CCDC171: variants seen among roughly 807,000 people sequenced by gnomAD.
CCDC171 encodes coiled-coil domain-containing protein 171.
In CCDC171, 177 loss-of-function variants were observed where a neutral mutation model predicts 168.2. The ratio of observed to expected loss-of-function variants is 1.05; its 90% CI spans 0.93 to 1.19. The LOEUF is 1.19. Ranked by LOEUF, CCDC171 falls within the 50% of genes most tolerant of loss-of-function variation. The pLI is 0.00. For missense variants in CCDC171, 1,991 were observed against 1,539.0 expected (o/e 1.29, Z -4.91); for synonymous variants, 687 against 540.8 (o/e 1.27, Z -3.75).
chr9:15,927,614 G>A (rs1474319124), intron 25 of CCDC171, among the ~76,000 whole-genome samples: 5 of 151,506 alleles, frequency 3.3e-5, no homozygotes, highest in African/African-American at 9.7e-5. Context: ...GTGTCTTTGC[G>A]GGAGAAATAT....
chr9:15,784,709 G>T lies in CCDC171; in HGVS notation c.3267+15G>T. On this transcript the variant is annotated intron_variant, in intron 21 of 25. Coordinates refer to ENST00000380701, the MANE Select transcript of CCDC171 (RefSeq NM_173550.4). Reference sequence around the variant, plus strand: ...AAGCTGTTAAGGTAAGAGAATAAAGGGATATTTGCATAAAGGGATATTTTA... The same window carrying T: ...AAGCTGTTAAGGTAAGAGAATAAAGTGATATTTGCATAAAGGGATATTTTA... 1 of 1,591,000 alleles carries T rather than the reference G, an allele frequency of 6.3e-7. No individual in the cohort carries two copies. Among genetic ancestry groups the T allele is most frequent in the African/African-American group, 1.3e-5 (1 of 74,278 alleles).
chr9:15,648,421 T>C (rs2047221919), intron 7 of CCDC171, among the ~76,000 whole-genome samples: 2 of 152,058 alleles, frequency 1.3e-5, no homozygotes, highest in Admixed American at 1.3e-4. Flanking sequence ...GAGAAAGAAA[T>C]AAAGGGTATT....
intron 24 of CCDC171, among the ~76,000 whole-genome samples, chr9:15,878,245 A>G (rs1357723960): frequency 6.6e-6 from 1 of 152,198 alleles, no homozygotes; most frequent in Non-Finnish European, 1.5e-5. Context: ...TGAAGGTTTA[A>G]TGTCCAGCAC....
At chr9:15,801,239 C>T (rs1439167608) in intron 21 of CCDC171, among the ~76,000 whole-genome samples, 1 of 151,880 alleles carries the variant, frequency 6.6e-6, no homozygotes. Context: ...TCTTTCAATC[C>T]ATGAACATGG....
chr9:15,962,611 T>C (rs1316230991), intron 25 of CCDC171, among the ~76,000 whole-genome samples: 3 of 152,130 alleles, frequency 2.0e-5, no homozygotes, highest in Admixed American at 2.0e-4. Flanking sequence ...TTGTGGGGGT[T>C]ACCATTTTTT....
At chr9:15,980,314 T>C (rs1392188992) in intron 3 of CCDC171, among the ~76,000 whole-genome samples, 1 of 152,172 alleles carries the variant, frequency 6.6e-6, no homozygotes, top group Non-Finnish European at 1.5e-5. Context: ...TACATGTTAT[T>C]TGCAAGACTT....
intron 21 of CCDC171, among the ~76,000 whole-genome samples, chr9:15,795,282 C>T (rs957234196): frequency 6.6e-6 from 1 of 152,166 alleles, no homozygotes; most frequent in Non-Finnish European, 1.5e-5. Context: ...AACTAACTCA[C>T]TCCCATGATA....
chr9:15,940,419 C>G (rs1827580560), intron 25 of CCDC171, among the ~76,000 whole-genome samples: 1 of 151,842 alleles, frequency 6.6e-6, no homozygotes, highest in African/African-American at 2.4e-5. Context: ...ACTGACTTGA[C>G]TTCTCAACTT....
rs750523148 is a variant in CCDC171, at chr9:15,591,304, T to G, written c.353-62T>G. 3.4e-5 allele frequency: 35 copies of G among 1,025,046 alleles called. 1 individual carries two copies. Among genetic ancestry groups the G allele is most frequent in the Non-Finnish European group, 4.9e-5 (34 of 686,950 alleles). The allele number at this position is 1,025,046 out of a possible 1,614,324, so 63.5% of individuals were successfully genotyped here. A position where few individuals can be genotyped will look rare whatever the true frequency, so the allele number is the denominator to read the frequency against. On this transcript the variant is annotated intron_variant, in intron 4 of 25. Coordinates refer to ENST00000380701, the MANE Select transcript of CCDC171 (RefSeq NM_173550.4). ...ATGATGTCAACTCCAATGCCTAGGT[T>G]TTGGGGCTCCTTGTTATTTAATTCA...
At chr9:16,089,868 T>A in the CCDC171 span, among the ~76,000 whole-genome samples, 4 of 151,934 alleles carry the variant, frequency 2.6e-5, no homozygotes, top group Non-Finnish European at 4.4e-5. Flanking sequence ...AAAACCACAA[T>A]GAGATATCAT....
intron 3 of CCDC171, among the ~76,000 whole-genome samples, chr9:15,985,278 C>A (rs1167322977): frequency 6.6e-6 from 1 of 151,966 alleles, no homozygotes; most frequent in East Asian, 1.9e-4. Context: ...ACCAATCATA[C>A]AAATTCCTTT....
chr9:15,565,647 C>A (rs2039670970), intron 2 of CCDC171, among the ~76,000 whole-genome samples: 2 of 152,326 alleles, frequency 1.3e-5, no homozygotes, highest in Non-Finnish European at 2.9e-5. Context: ...GCTTCTTTTA[C>A]AGGGCATATT....
At chr9:15,755,313 G>A (rs534828380) in intron 18 of CCDC171, among the ~76,000 whole-genome samples, 5 of 152,216 alleles carry the variant, frequency 3.3e-5, no homozygotes, top group South Asian at 2.1e-4. Context: ...GAAGGCATTC[G>A]TACATTGTTG....
the CCDC171 span, among the ~76,000 whole-genome samples, chr9:16,069,343 C>T: frequency 6.6e-6 from 1 of 152,322 alleles, no homozygotes; most frequent in South Asian, 2.1e-4. Context: ...GAAAAATGAT[C>T]ATTTCAAACC....
chr9:15,686,530 A>G (rs1051148167), intron 10 of CCDC171, among the ~76,000 whole-genome samples: 3 of 151,948 alleles, frequency 2.0e-5, no homozygotes, highest in African/African-American at 2.4e-5. Flanking sequence ...ATAAAAAAAT[A>G]AAAAAAAGAT....
chr9:15,826,122 G>A (rs1401597353), intron 21 of CCDC171, among the ~76,000 whole-genome samples: 1 of 151,564 alleles, frequency 6.6e-6, no homozygotes. Flanking sequence ...GCTTTTTATT[G>A]TAGTAATATT....
At chr9:15,697,606 G>C (rs1308794700) in intron 11 of CCDC171, among the ~76,000 whole-genome samples, 1 of 152,134 alleles carries the variant, frequency 6.6e-6, no homozygotes, top group Non-Finnish European at 1.5e-5. Context: ...CGGCTTCCCA[G>C]TATGTTTGAA....
chr9:15,647,181 T>G (rs999658749), intron 7 of CCDC171, among the ~76,000 whole-genome samples: 1 of 152,018 alleles, frequency 6.6e-6, no homozygotes, highest in East Asian at 1.9e-4. Flanking sequence ...AAGGCAGAAA[T>G]AAAGATGTTC....
chr9:15,620,229 A>G (rs1312098223), intron 6 of CCDC171, among the ~76,000 whole-genome samples: 1 of 152,230 alleles, frequency 6.6e-6, no homozygotes, highest in Non-Finnish European at 1.5e-5. Flanking sequence ...TATAGCTGAC[A>G]TAGATAGTGA....
Sources: allele counts gnomAD v4.1 joint callset (sites outside exome capture counted in the v4.1 genomes callset), GRCh38; gene constraint gnomAD v4.1.1; transcripts MANE v1.5; gene names NCBI Gene and HGNC (gene_info 2026-07-23, HGNC 2026-07-21).